Variants in CHN2 observed in about 807,000 individuals in gnomAD.
The protein encoded by CHN2 is chimerin 2, also known as beta-chimaerin.
In CHN2, 35 loss-of-function variants were observed where a neutral mutation model predicts 56.3. The ratio of observed to expected loss-of-function variants is 0.62; its 90% CI spans 0.47 to 0.82. The LOEUF (loss-of-function observed/expected upper bound fraction) is 0.82. Ranked by LOEUF, CHN2 falls within the 40% of genes least tolerant of loss-of-function variation. The probability of loss-of-function intolerance (pLI) is 0.00; values close to 1 mark genes in which losing one functional copy is unlikely to be tolerated. For missense variants in CHN2, 491 were observed against 580.5 expected, an observed-to-expected ratio of 0.85 and a Z score of 1.58; for synonymous variants, 210 against 212.8, an observed-to-expected ratio of 0.99 and a Z score of 0.12.
chr7:29,213,888 TA>T lies in CHN2; in HGVS notation c.49+18906del, dbSNP rs141768623. 1.9e-3 allele frequency among the ~76,000 whole-genome samples: 295 copies of T among 151,980 alleles called. 1 individual carries two copies. The highest frequency in any genetic ancestry group is 6.3e-3 in the African/African-American group (262 of 41,484). ...ATGAGTAAAAATACAGCTTAAACAT[TA>T]AAAAAAAGAATACTGCATTACTGTA... On this transcript the variant is annotated intron_variant, in intron 1 of 12. Transcript: ENST00000222792.
At chr7:29,148,227 T>C (rs1793047300) in intron 2 of CHN2, among the ~76,000 whole-genome samples, 1 of 152,226 alleles carries the variant, frequency 6.6e-6, no homozygotes, top group African/African-American at 2.4e-5. Context: ...AAGGGCTCCT[T>C]GGGTCTAAGT....
chr7:29,353,732 G>C (rs1798071732), intron 1 of CHN2, among the ~76,000 whole-genome samples: 1 of 152,178 alleles, frequency 6.6e-6, no homozygotes, highest in African/African-American at 2.4e-5. Context: ...AGGATGATGA[G>C]AACAGAGTTT....
Position 29,273,349 on chromosome 7 carries a change from A to ATATATGTG in CHN2, c.49+78364_49+78365insGTGTATAT, listed in dbSNP as rs1435178891. On this transcript the variant is annotated intron_variant, in intron 1 of 12. Coordinates refer to ENST00000222792, the MANE Select transcript of CHN2 (RefSeq NM_004067.4). ...TGCATATATATATATATGTGTATAT[A>ATATATGTG]TATATATATATATATATATATATAT... is the stretch of plus-strand genomic sequence containing the variant. 6.0e-4 allele frequency among the ~76,000 whole-genome samples: 35 copies of ATATATGTG among 58,498 alleles called. 1 individual carries two copies. Among genetic ancestry groups the ATATATGTG allele is most frequent in the African/African-American group, 2.8e-3 (33 of 11,632 alleles). The allele number at this position is 58,498 out of a possible 152,430, so 38.4% of individuals were successfully genotyped here. A position where few individuals can be genotyped will look rare whatever the true frequency, so the allele number is the denominator to read the frequency against.
chr7:29,495,769 C>G (rs1011422129), intron 7 of CHN2, among the ~76,000 whole-genome samples, 183 bp from the exon 8 acceptor site: 2 of 152,066 alleles, frequency 1.3e-5, no homozygotes, highest in Non-Finnish European at 2.9e-5. Context: ...CATGGTGGAT[C>G]GATGAAGGAT....
chr7:29,340,347 T>C (rs1409497307), intron 1 of CHN2, among the ~76,000 whole-genome samples: 1 of 149,952 alleles, frequency 6.7e-6, no homozygotes, highest in African/African-American at 2.5e-5. Context: ...AGAAATCTTT[T>C]GGGGGAAGAT....
chr7:29,261,322 T>G (rs1789534074), intron 1 of CHN2, among the ~76,000 whole-genome samples: 1 of 152,138 alleles, frequency 6.6e-6, no homozygotes, highest in South Asian at 2.1e-4. Context: ...TTGGCCAAGC[T>G]CTGTCATTTC....
rs370616608 is a variant in CHN2 at position 29,160,273 on chromosome 7, A to C, written c.274+13313A>C. On this transcript the variant is annotated intron_variant, in intron 2 of 6. Coordinates refer to the CHN2 transcript ENST00000439384. ...GTTCACGGTGACAGACATGAGCAGT[A>C]CATTCTGGAACCTATTAGACTAATG... Among the ~76,000 whole-genome samples, 7 of 152,320 alleles carry C rather than the reference A, an allele frequency of 4.6e-5. No individual in the cohort carries two copies. In the South Asian group the frequency reaches 6.2e-4, roughly 14 times the overall value.
intron 6 of CHN2, among the ~76,000 whole-genome samples, chr7:29,475,559 G>T (rs1252296845): frequency 6.6e-6 from 1 of 152,178 alleles, no homozygotes; most frequent in African/African-American, 2.4e-5. Flanking sequence ...AACAAAACTT[G>T]TATGAGGATA....
At chr7:29,246,020 G>A (rs921954360) in intron 1 of CHN2, among the ~76,000 whole-genome samples, 1 of 152,144 alleles carries the variant, frequency 6.6e-6, no homozygotes, top group Non-Finnish European at 1.5e-5. Context: ...GTGAGGTAAG[G>A]ATATCTAATA....
At chr7:29,428,849 T>C (rs56316211) in intron 6 of CHN2, among the ~76,000 whole-genome samples, 16,509 of 152,236 alleles carry the variant, frequency 0.11, 1,034 homozygotes, top group Non-Finnish European at 0.14. Context: ...CAAAAGCTTT[T>C]TGGGGTCCTA....
intron 3 of CHN2, among the ~76,000 whole-genome samples, chr7:29,386,680 A>G (rs146817412): frequency 1.3e-5 from 2 of 152,306 alleles, no homozygotes; most frequent in Non-Finnish European, 2.9e-5. Context: ...GAGCTTGGCA[A>G]AATACTGAGA....
chr7:29,157,145 G>A (rs1418982737), intron 2 of CHN2, among the ~76,000 whole-genome samples: 2 of 152,154 alleles, frequency 1.3e-5, no homozygotes, highest in African/African-American at 4.8e-5. Context: ...AAAGAATAAT[G>A]AAGAGCTGTC....
chr7:29,400,519 A>C, intron 5 of CHN2, 24 bp from the exon 6 acceptor site: 1 of 1,610,216 alleles, frequency 6.2e-7, no homozygotes, highest in Middle Eastern at 1.7e-4. Flanking sequence ...ACGTGGTTGT[A>C]ATCCCTCATT....
In CHN2 at chr7:29,430,599, C is replaced by T. The variant is rs544514402; in HGVS notation, c.576+29771C>T. On this transcript the variant is annotated intron_variant, in intron 6 of 12. Coordinates refer to ENST00000222792, the MANE Select transcript of CHN2 (RefSeq NM_004067.4). ...TGGCCACATTTGGTTGGCTAAAGCT[C>T]AGCTACGAGAGTAGTTTACACATCA... 4.6e-5 allele frequency among the ~76,000 whole-genome samples: 7 copies of T among 152,198 alleles called. No individual in the cohort carries two copies. The South Asian group carries it at 1.5e-3, about 32-fold the overall frequency.
chr7:29,427,692 C>T (rs1805016194), intron 6 of CHN2, among the ~76,000 whole-genome samples: 1 of 129,576 alleles, frequency 7.7e-6, no homozygotes, highest in East Asian at 2.2e-4. Context: ...GAGTCTCACT[C>T]TGTTGCCAGG....
chr7:29,480,285 T>C lies in CHN2; in HGVS notation c.583T>C (p.Ser195Pro), dbSNP rs1787037470. Residue 195 changes from serine (S) to proline (P), a missense_variant, in exon 7 of 13, where the codon TCC becomes CCC. Transcript: ENST00000222792. ...EEHTAVEKISSLVRRAALTHN... is the reference protein window; with the variant it reads ...EEHTAVEKISPLVRRAALTHN... The stretch of plus-strand genomic sequence containing the variant: ...ACTCTTTGCCTGTTCACAGATCTCC[T>C]CCCTGGTTCGAAGGGCTGCCCTCAC... 1 of 1,614,038 alleles carries C rather than the reference T, an allele frequency of 6.2e-7. No homozygotes were observed. Among genetic ancestry groups the C allele is most frequent in the African/African-American group, 1.3e-5 (1 of 74,910 alleles).
intron 1 of CHN2, among the ~76,000 whole-genome samples, chr7:29,290,802 A>G (rs1792540508): frequency 6.6e-6 from 1 of 152,142 alleles, no homozygotes; most frequent in East Asian, 1.9e-4. Flanking sequence ...AATTCAACCA[A>G]GGGGCATAAG....
chr7:29,336,516 T>G (rs1216642173), intron 1 of CHN2, among the ~76,000 whole-genome samples: 1 of 151,944 alleles, frequency 6.6e-6, no homozygotes, highest in East Asian at 1.9e-4. Flanking sequence ...GAAGCCAAGG[T>G]GGAAGGATTT....
chr7:29,305,295 T>A (rs189104231), intron 1 of CHN2, among the ~76,000 whole-genome samples: 159 of 152,296 alleles, frequency 1.0e-3, no homozygotes, highest in African/African-American at 3.6e-3. Context: ...AATGTTTTTT[T>A]AAAGCTCTTA....
Sources: allele counts gnomAD v4.1 joint callset (sites outside exome capture counted in the v4.1 genomes callset), GRCh38; gene constraint gnomAD v4.1.1; transcripts MANE v1.5; gene names NCBI Gene and HGNC (gene_info 2026-07-23, HGNC 2026-07-21).